SEPTIN9: variants seen among roughly 807,000 people sequenced by gnomAD.
SEPTIN9 encodes the protein septin 9, also known as septin-9.
In SEPTIN9, 13 loss-of-function variants were observed where a neutral mutation model predicts 56.6. That is an observed-to-expected ratio of 0.23 (90% CI 0.15 to 0.37). The LOEUF is 0.37. SEPTIN9 is among the 10% of genes least tolerant of loss of function. SEPTIN9 has a pLI of 1.00. For missense variants in SEPTIN9, 650 were observed against 823.1 expected (o/e 0.79, Z 2.57); for synonymous variants, 332 against 334.1 (o/e 0.99, Z 0.07).
At position 77,373,473 on chromosome 17, in the gene SEPTIN9, C is replaced by T. The variant is rs572415774; in HGVS notation, c.77-28586C>T. 2.0e-6 allele frequency: 3 copies of T among 1,522,976 alleles called. No individual in the cohort carries two copies. In the East Asian group the frequency reaches 7.9e-5, roughly 40 times the overall value. The allele number at this position is 1,522,976 out of a possible 1,614,324, so 94.3% of individuals were successfully genotyped here. A position where few individuals can be genotyped will look rare whatever the true frequency, so the allele number is the denominator to read the frequency against. Reference sequence around the variant, plus strand: ...GGCGCTTCCTCGCCGCTGCCCTCCGCGCGACCCGCTGCCCACCAGCCATCA... The same window carrying T: ...GGCGCTTCCTCGCCGCTGCCCTCCGTGCGACCCGCTGCCCACCAGCCATCA... On this transcript the variant is annotated intron_variant, in intron 2 of 11. Transcript: ENST00000427177.
At chr17:77,496,826 G>A (rs79878085) in intron 10 of SEPTIN9, among the ~76,000 whole-genome samples, 20 of 152,356 alleles carry the variant, frequency 1.3e-4, no homozygotes, top group Middle Eastern at 6.8e-3. Context: ...GGATGGGGCC[G>A]TGGGGGTAAC....
chr17:77,439,211 G>A (rs1242337169), intron 3 of SEPTIN9, among the ~76,000 whole-genome samples: 1 of 152,166 alleles, frequency 6.6e-6, no homozygotes. Flanking sequence ...CCCTGGTTGG[G>A]GAGGAGGGTT....
intron 3 of SEPTIN9, among the ~76,000 whole-genome samples, chr17:77,439,337 C>T (rs1467240542): frequency 6.6e-6 from 1 of 152,138 alleles, no homozygotes; most frequent in Non-Finnish European, 1.5e-5. Context: ...CCCACCATGG[C>T]ACAGGCCTCT....
At chr17:77,443,086 A>T (rs2144352877) in intron 3 of SEPTIN9, among the ~76,000 whole-genome samples, 1 of 152,238 alleles carries the variant, frequency 6.6e-6, no homozygotes, top group African/African-American at 2.4e-5. Context: ...AATAGGGGAA[A>T]TGGAAGGGGC....
At chr17:77,482,779 C>T (rs928136793) in intron 4 of SEPTIN9, 8 of 560,462 alleles carry the variant, frequency 1.4e-5, no homozygotes, top group Non-Finnish European at 2.2e-5. Flanking sequence ...GAATTGGGGC[C>T]TCGTGGCTTC....
rs1187215091 is a variant in SEPTIN9, at chr17:77,373,440, C to T, written c.77-28619C>T. The T allele has an allele frequency of 3.4e-6, 5 of 1,474,932 alleles. No individual in the cohort carries two copies. In the African/African-American group the frequency reaches 7.4e-5, roughly 22 times the overall value. 91.4% of individuals were successfully genotyped at this position (1,474,932 alleles called of 1,614,324 possible). On this transcript the variant is annotated intron_variant, in intron 2 of 11. Transcript: ENST00000427177. ...CCAGCCAGCGCGCAGGGCCCGGGCCCCGCCGGGGGCGCTTCCTCGCCGCTG... is the reference window on the plus strand; with the variant it reads ...CCAGCCAGCGCGCAGGGCCCGGGCCTCGCCGGGGGCGCTTCCTCGCCGCTG...
chr17:77,470,292 A>G (rs979868026), intron 3 of SEPTIN9, among the ~76,000 whole-genome samples: 5 of 150,118 alleles, frequency 3.3e-5, no homozygotes, highest in Admixed American at 1.3e-4. Context: ...CCACCCATCT[A>G]CTCACCCACC....
chr17:77,418,213 C>G (rs1228021413), intron 3 of SEPTIN9, among the ~76,000 whole-genome samples: 16 of 152,186 alleles, frequency 1.1e-4, no homozygotes, highest in African/African-American at 3.6e-4. Context: ...ATCTCGGAGT[C>G]CCGCTCCGGT....
At chr17:77,458,955 T>A (rs1290389664) in intron 3 of SEPTIN9, among the ~76,000 whole-genome samples, 1 of 152,210 alleles carries the variant, frequency 6.6e-6, no homozygotes, top group South Asian at 2.1e-4. Context: ...AGAAAATGGC[T>A]TGGCGTCTGG....
At chr17:77,316,572 G>A (rs1319134746) in intron 2 of SEPTIN9, among the ~76,000 whole-genome samples, 3 of 152,282 alleles carry the variant, frequency 2.0e-5, no homozygotes, top group East Asian at 3.9e-4. Context: ...CCCCTCACTC[G>A]GGGCTGTTCC....
At chr17:77,471,887 G>GA (rs1367153947) in intron 3 of SEPTIN9, among the ~76,000 whole-genome samples, 3 of 152,134 alleles carry the variant, frequency 2.0e-5, no homozygotes, top group African/African-American at 7.2e-5. Flanking sequence ...GCCATTCCCT[G>GA]ACCCTCCCTC....
chr17:77,291,976 T>G (rs563852504), intron 1 of SEPTIN9, among the ~76,000 whole-genome samples: 1 of 152,216 alleles, frequency 6.6e-6, no homozygotes, highest in Admixed American at 6.5e-5. Context: ...CTGGTCCCCC[T>G]GCGAAGGCCC....
In SEPTIN9 at chr17:77,488,340, G is replaced by T; in HGVS notation, c.1124+19G>T. On this transcript the variant is annotated intron_variant, in intron 6 of 11. Coordinates refer to ENST00000427177, the MANE Select transcript of SEPTIN9 (RefSeq NM_001113491.2). ...AGAACTGGTGAGGCCCCTCCAGGGGGAGGAGCACTAGCGGGGGCTTCAGGG... is the reference window on the plus strand; with the variant it reads ...AGAACTGGTGAGGCCCCTCCAGGGGTAGGAGCACTAGCGGGGGCTTCAGGG... The T allele has an allele frequency of 6.2e-7, 1 of 1,607,436 alleles. No homozygotes were observed. Among genetic ancestry groups the T allele is most frequent in the Non-Finnish European group, 8.5e-7 (1 of 1,174,488 alleles).
At chr17:77,440,874 A>G (rs1158951890) in intron 3 of SEPTIN9, among the ~76,000 whole-genome samples, 1 of 152,206 alleles carries the variant, frequency 6.6e-6, no homozygotes, top group Non-Finnish European at 1.5e-5. Context: ...GCTGATCTCC[A>G]TGCCTGCAGG....
At chr17:77,314,432 C>T (rs971235525) in intron 2 of SEPTIN9, among the ~76,000 whole-genome samples, 8 of 143,088 alleles carry the variant, frequency 5.6e-5, no homozygotes, top group Non-Finnish European at 9.0e-5. Context: ...GATCCTCCCA[C>T]TTTGGCCTCC....
intron 1 of SEPTIN9, 39 bp downstream of exon 1, chr17:77,281,593 C>G: frequency 6.5e-7 from 1 of 1,529,012 alleles, no homozygotes; most frequent in Non-Finnish European, 8.8e-7. Context: ...GTCGGTGTCC[C>G]GGGACCAGCG....
At chr17:77,391,259 C>T (rs917729720) in intron 2 of SEPTIN9, among the ~76,000 whole-genome samples, 5 of 152,254 alleles carry the variant, frequency 3.3e-5, no homozygotes, top group African/African-American at 9.6e-5. Flanking sequence ...AGGCTCTAGG[C>T]CTCCTCCCGT....
chr17:77,482,114 G>A (rs748731204), intron 3 of SEPTIN9, 30 bp from the exon 4 acceptor site: 103 of 1,538,916 alleles, frequency 6.7e-5, no homozygotes, highest in Admixed American at 5.9e-4. Flanking sequence ...CCCCTGTTCC[G>A]CTCTAACTCC....
At chr17:77,353,879 A>G (rs7359689) in intron 2 of SEPTIN9, among the ~76,000 whole-genome samples, 34,735 of 152,084 alleles carry the variant, frequency 0.23, 4,411 homozygotes, top group East Asian at 0.6. Flanking sequence ...GAATGCACAC[A>G]CGCACATTGC....
Sources: gnomAD v4.1 joint callset for allele counts (sites outside exome capture counted in the v4.1 genomes callset) on GRCh38, gnomAD v4.1.1 for gene constraint, MANE v1.5 for transcripts, NCBI Gene and HGNC (gene_info 2026-07-23, HGNC 2026-07-21) for gene names.